The following NCF4 variants were observed in gnomAD, a reference collection of about 807,000 sequenced individuals.
NCF4 encodes the protein neutrophil cytosolic factor 4, also known as neutrophil cytosol factor 4.
In NCF4, 30 loss-of-function variants were observed where a neutral mutation model predicts 41.7. That is an observed-to-expected ratio of 0.72 (90% CI 0.54 to 0.97). The LOEUF is 0.97. Among genes scored for constraint, NCF4 ranks in the 50% least tolerant of loss-of-function variants. The pLI, the probability that NCF4 is intolerant of heterozygous loss-of-function variation, is 0.00. For missense variants in NCF4, 432 were observed against 460.9 expected (o/e 0.94, Z 0.57); for synonymous variants, 195 against 175.8 (o/e 1.11, Z -0.87).
intron 9 of NCF4, 146 bp from the exon 10 acceptor site, chr22:36,877,482 G>C: frequency 1.2e-6 from 1 of 824,600 alleles, no homozygotes; most frequent in Non-Finnish European, 2.0e-6. Context: ...ACAATGGGAG[G>C]TTAGATTACT....
intron 1 of NCF4, among the ~76,000 whole-genome samples, chr22:36,862,348 C>T (rs1411765635): frequency 1.3e-5 from 2 of 152,168 alleles, no homozygotes; most frequent in Non-Finnish European, 2.9e-5. Flanking sequence ...GGGGAGTCCA[C>T]GTGGCCTTCC....
chr22:36,868,087 A>AG (rs1302329239), intron 4 of NCF4, among the ~76,000 whole-genome samples: 2 of 152,220 alleles, frequency 1.3e-5, no homozygotes, highest in African/African-American at 4.8e-5. Flanking sequence ...GCAGAGGCCA[A>AG]GGTGGTCAGG....
chr22:36,877,932 A>G lies in NCF4; in HGVS notation c.*109A>G, dbSNP rs1359570973. Reference sequence around the variant, plus strand: ...AGGATGGGCAGACTTCCTGTCTTTGAGGCTAATGGACCCGTGGGGCTTGTA... The same window carrying G: ...AGGATGGGCAGACTTCCTGTCTTTGGGGCTAATGGACCCGTGGGGCTTGTA... On this transcript the variant is annotated 3_prime_UTR_variant, in exon 10 of 10. Transcript: ENST00000248899. 1.1e-5 allele frequency: 12 copies of G among 1,084,742 alleles called. No individual in the cohort carries two copies. Among genetic ancestry groups the G allele is most frequent in the African/African-American group, 1.6e-5 (1 of 63,120 alleles). The allele number at this position is 1,084,742 out of a possible 1,614,324, so 67.2% of individuals were successfully genotyped here.
At chr22:36,863,708 G>A (rs1939842625) in intron 1 of NCF4, among the ~76,000 whole-genome samples, 1 of 150,664 alleles carries the variant, frequency 6.6e-6, no homozygotes, top group South Asian at 2.1e-4. Flanking sequence ...TTATTCCCAG[G>A]TGAATCTGTG....
intron 2 of NCF4, 71 bp downstream of exon 2, chr22:36,864,200 C>T (rs867923007): frequency 2.4e-5 from 29 of 1,192,208 alleles, no homozygotes; most frequent in Non-Finnish European, 2.5e-5. Flanking sequence ...GAACCTTGCC[C>T]TCTGACCTCT....
intron 2 of NCF4, 142 bp from the exon 3 acceptor site, chr22:36,864,777 C>A: frequency 1.0e-6 from 1 of 961,720 alleles, no homozygotes; most frequent in Non-Finnish European, 1.6e-6. Context: ...TTTGACTTGA[C>A]AGGGGTCTCC....
chr22:36,863,062 CG>C (rs1569109578), intron 1 of NCF4, among the ~76,000 whole-genome samples: 2 of 152,120 alleles, frequency 1.3e-5, no homozygotes, highest in African/African-American at 4.8e-5. Flanking sequence ...AGGGGACTTC[CG>C]GTTGGGTTTG....
intron 7 of NCF4, among the ~76,000 whole-genome samples, chr22:36,872,789 G>A (rs1273265927): frequency 1.4e-5 from 2 of 141,164 alleles, no homozygotes; most frequent in Non-Finnish European, 3.1e-5. Flanking sequence ...GTGAAGGTGA[G>A]GATGGAGATT....
chr22:36,875,212 T>C (rs1019499797), intron 7 of NCF4, among the ~76,000 whole-genome samples: 1 of 152,034 alleles, frequency 6.6e-6, no homozygotes, highest in Non-Finnish European at 1.5e-5. Flanking sequence ...ATATGTTTAG[T>C]AGAGACAGGG....
intron 3 of NCF4, among the ~76,000 whole-genome samples, chr22:36,866,345 C>A (rs1939926494): frequency 6.6e-6 from 1 of 152,156 alleles, no homozygotes; most frequent in Non-Finnish European, 1.5e-5. Flanking sequence ...CACCCCCACT[C>A]CTTCCTCTGT....
chr22:36,870,851 G>A lies in NCF4; in HGVS notation c.470+309G>A, dbSNP rs145817730. The stretch of plus-strand genomic sequence containing the variant: ...CTCTGGGTGCCTGGAAAGAATTGGG[G>A]GCAGAGAGGAGGGAAAAGCTGCCCC... On this transcript the variant is annotated intron_variant, in intron 5 of 9. Coordinates refer to ENST00000248899, the MANE Select transcript of NCF4 (RefSeq NM_000631.5). Among the ~76,000 whole-genome samples the A allele has an allele frequency of 5.3e-5, 8 of 152,200 alleles. No homozygotes were observed. The East Asian group carries it at 1.4e-3, about 26-fold the overall frequency.
Position 36,877,756 on chromosome 22 carries a change from G to T in NCF4, c.953G>T (p.Arg318Leu), listed in dbSNP as rs371008750. Residue 318 changes from arginine (R) to leucine (L), a missense_variant, in exon 10 of 10, where the codon CGC becomes CTC. By Grantham distance (102) the Arg-to-Leu change is moderately radical. Transcript: ENST00000248899. ...RQARGLPSQK[R>L]LFPWKLHITQ... ...GCTCGTGGCCTCCCCTCCCAGAAGC[G>T]CCTCTTCCCCTGGAAGCTGCACATC... The T allele has an allele frequency of 1.2e-6, 2 of 1,614,026 alleles. No individual in the cohort carries two copies. Among genetic ancestry groups the T allele is most frequent in the Non-Finnish European group, 1.7e-6 (2 of 1,180,006 alleles).
In NCF4 at chr22:36,861,035, C is replaced by A; in HGVS notation, c.-137C>A. The A allele has an allele frequency of 1.6e-6, 2 of 1,214,884 alleles. No individual in the cohort carries two copies. Among genetic ancestry groups the A allele is most frequent in the Non-Finnish European group, 2.4e-6 (2 of 841,822 alleles). 75.3% of individuals were successfully genotyped at this position (1,214,884 alleles called of 1,614,324 possible). A position where few individuals can be genotyped will look rare whatever the true frequency, so the allele number is the denominator to read the frequency against. On this transcript the variant is annotated 5_prime_UTR_variant, in exon 1 of 10. Transcript: ENST00000248899. ...TGGAGAGAAGCAGGCCTGAGCCTCCCCAAAGGCAGCTCCTGGGGACTCCCA... is the reference window on the plus strand; with the variant it reads ...TGGAGAGAAGCAGGCCTGAGCCTCCACAAAGGCAGCTCCTGGGGACTCCCA...
In NCF4 at chr22:36,865,547, C is replaced by T. The variant is rs1939907445; in HGVS notation, c.271+475C>T. Among the ~76,000 whole-genome samples, 1 of 152,094 alleles carries T rather than the reference C, an allele frequency of 6.6e-6. No homozygotes were observed. Among genetic ancestry groups the T allele is most frequent in the Non-Finnish European group, 1.5e-5 (1 of 67,996 alleles). On this transcript the variant is annotated intron_variant, in intron 3 of 9. Transcript: ENST00000248899. The surrounding 1 kb of genome is among the most constrained non-coding windows in gnomAD (Gnocchi z 4.3). Reference sequence around the variant, plus strand: ...CTGTCCCGCCAGGAAGCTGGGTGGCCTCAAGCCTCTGCTTGCAAACAGTCT... The same window carrying T: ...CTGTCCCGCCAGGAAGCTGGGTGGCTTCAAGCCTCTGCTTGCAAACAGTCT...
rs527468391 is a variant in NCF4 at position 36,876,409 on chromosome 22, C to A, written c.824+315C>A. ...TCCACTCTCAGGGACTCACTACCCC[C>A]CCAGGTCCAGGACATTGCTGGACAG... On this transcript the variant is annotated intron_variant, in intron 9 of 9. Transcript: ENST00000248899. Among the ~76,000 whole-genome samples, 16 of 152,300 alleles carry A rather than the reference C, an allele frequency of 1.1e-4. No individual in the cohort carries two copies. The South Asian group carries it at 1.5e-3, about 14-fold the overall frequency.
chr22:36,869,260 C>T (rs1939998106), intron 4 of NCF4, among the ~76,000 whole-genome samples: 1 of 152,158 alleles, frequency 6.6e-6, no homozygotes. Context: ...CTTTGATGGG[C>T]ACCTGGTATA....
At chr22:36,873,172 G>T (rs1252200772) in intron 7 of NCF4, among the ~76,000 whole-genome samples, 1 of 151,362 alleles carries the variant, frequency 6.6e-6, no homozygotes, top group African/African-American at 2.4e-5. Flanking sequence ...GAATGGAAGT[G>T]GGATTGGAGG....
chr22:36,871,681 T>C lies in NCF4; in HGVS notation c.500T>C (p.Val167Ala). 4 of 1,571,066 alleles carry C rather than the reference T, an allele frequency of 2.5e-6. No individual in the cohort carries two copies. Among genetic ancestry groups the C allele is most frequent in the Middle Eastern group, 1.7e-4 (1 of 6,006 alleles). Residue 167 changes from valine to alanine, a missense_variant, in exon 6 of 10, where the codon GTT becomes GCT. By Grantham distance (64) the Val-to-Ala change is moderately conservative. Coordinates refer to ENST00000248899, the MANE Select transcript of NCF4 (RefSeq NM_000631.5). ...VKSVSPQGNS[V>A]DRMAAPRAEA... ...AGCGTGTCCCCACAGGGCAACAGCGTTGACCGCATGGCAGCTCCGAGAGCA... is the reference window on the plus strand; with the variant it reads ...AGCGTGTCCCCACAGGGCAACAGCGCTGACCGCATGGCAGCTCCGAGAGCA...
At chr22:36,869,892 T>G (rs538913098) in intron 4 of NCF4, among the ~76,000 whole-genome samples, 1 of 152,152 alleles carries the variant, frequency 6.6e-6, no homozygotes, top group Non-Finnish European at 1.5e-5. Context: ...TGTTGTTAAT[T>G]TGGGTTATTT....
Sources: gnomAD v4.1 joint callset for allele counts (sites outside exome capture counted in the v4.1 genomes callset) on GRCh38, gnomAD v4.1.1 for gene constraint, Gnocchi (gnomAD v3.1) non-coding constraint, MANE v1.5 for transcripts, NCBI Gene and HGNC (gene_info 2026-07-23, HGNC 2026-07-21) for gene names.